The following CDH4 variants were observed in gnomAD, a reference collection of about 807,000 sequenced individuals.
The protein encoded by CDH4 is cadherin 4.
Under a neutral mutation model 86.0 loss-of-function variants are expected in CDH4, and 33 were observed. The observed-to-expected ratio is 0.38, with a 90% CI of 0.29 to 0.51. The LOEUF (loss-of-function observed/expected upper bound fraction) is 0.51. Among genes scored for constraint, CDH4 ranks in the 20% least tolerant of loss-of-function variants. The pLI is 0.86. For missense variants in CDH4, 1,114 were observed against 1,307.4 expected (o/e 0.85, Z 2.28); for synonymous variants, 555 against 549.4 (o/e 1.01, Z -0.14).
intron 2 of CDH4, among the ~76,000 whole-genome samples, chr20:61,354,811 G>A (rs770195178): frequency 1.3e-5 from 2 of 152,332 alleles, no homozygotes; most frequent in African/African-American, 2.4e-5. Context: ...ACACTGTCAT[G>A]TTGCTGGAAC....
intron 4 of CDH4, among the ~76,000 whole-genome samples, chr20:61,786,279 C>T (rs1978876848): frequency 6.6e-6 from 1 of 152,128 alleles, no homozygotes. Context: ...TACACATGTG[C>T]ACCACCCCCA....
At chr20:61,913,790 T>C (rs1042435814) in intron 9 of CDH4, among the ~76,000 whole-genome samples, 2 of 152,136 alleles carry the variant, frequency 1.3e-5, no homozygotes, top group African/African-American at 2.4e-5. Context: ...GGGTGGGGCA[T>C]GAATTTTGGA....
chr20:61,843,250 A>G (rs1489067189), intron 4 of CDH4, among the ~76,000 whole-genome samples: 2 of 151,434 alleles, frequency 1.3e-5, no homozygotes, highest in Non-Finnish European at 2.9e-5. Flanking sequence ...GGAGATCGAG[A>G]CCATCCTGGC....
chr20:61,422,845 C>G (rs1359147854), intron 2 of CDH4, among the ~76,000 whole-genome samples: 1 of 152,186 alleles, frequency 6.6e-6, no homozygotes, highest in African/African-American at 2.4e-5. Flanking sequence ...TTCCTGGGCT[C>G]AGCAGCCTCA....
At chr20:61,922,638 A>T (rs1202429965) in intron 9 of CDH4, among the ~76,000 whole-genome samples, 2 of 152,226 alleles carry the variant, frequency 1.3e-5, no homozygotes, top group Non-Finnish European at 2.9e-5. Flanking sequence ...GTTGTAGAGG[A>T]GAACCCACTG....
chr20:61,650,355 G>A (rs2087108452), intron 2 of CDH4, among the ~76,000 whole-genome samples: 3 of 152,196 alleles, frequency 2.0e-5, no homozygotes, highest in Non-Finnish European at 2.9e-5. Flanking sequence ...CTTGCACAGA[G>A]GCAGCAATCT....
At chr20:61,748,953 G>A (rs2088452998) in intron 3 of CDH4, among the ~76,000 whole-genome samples, 1 of 72,176 alleles carries the variant, frequency 1.4e-5, no homozygotes, top group Non-Finnish European at 2.7e-5. Flanking sequence ...AAAAATTGAT[G>A]GATAAAGATA....
At chr20:61,353,286 C>A (rs868811059) in intron 2 of CDH4, among the ~76,000 whole-genome samples, 589 of 9,326 alleles carry the variant, frequency 0.063, 1 homozygote, top group African/African-American at 0.22. Flanking sequence ...GTGCCAGGGT[C>A]TCTGGAACCA....
chr20:61,710,437 C>T (rs1361361601), intron 2 of CDH4, among the ~76,000 whole-genome samples: 1 of 152,248 alleles, frequency 6.6e-6, no homozygotes, highest in East Asian at 1.9e-4. Context: ...TGTGTGCAGG[C>T]CCTGAGTCCT....
chr20:61,519,936 C>A (rs940560436), intron 2 of CDH4, among the ~76,000 whole-genome samples: 3 of 152,214 alleles, frequency 2.0e-5, no homozygotes, highest in Non-Finnish European at 1.5e-5. Context: ...ACTCTGCCCA[C>A]CAACTGCTGG....
intron 8 of CDH4, among the ~76,000 whole-genome samples, chr20:61,901,497 G>A (rs1164821302): frequency 2.6e-4 from 39 of 152,086 alleles, no homozygotes; most frequent in Non-Finnish European, 1.8e-4. Flanking sequence ...CAGCCCCGTC[G>A]GGGGGCGCAG....
chr20:61,599,744 G>A (rs949941222), intron 2 of CDH4: 11 of 971,066 alleles, frequency 1.1e-5, no homozygotes, highest in Admixed American at 1.2e-4. Context: ...CTCCTGACGC[G>A]GCTCTGCCTC....
intron 2 of CDH4, among the ~76,000 whole-genome samples, chr20:61,566,626 C>T (rs2086300116): frequency 3.3e-5 from 5 of 152,116 alleles, no homozygotes; most frequent in Admixed American, 3.3e-4. Context: ...GCCCCGAGGA[C>T]CCGTCAGTGC....
intron 3 of CDH4, among the ~76,000 whole-genome samples, chr20:61,770,511 C>T (rs749834783): frequency 1.3e-5 from 2 of 152,364 alleles, no homozygotes; most frequent in Non-Finnish European, 2.9e-5. Flanking sequence ...ATGTGGCAGA[C>T]GCATGGACGC....
chr20:61,877,550 C>G (rs1984086728), intron 7 of CDH4, among the ~76,000 whole-genome samples: 1 of 152,154 alleles, frequency 6.6e-6, no homozygotes, highest in Admixed American at 6.5e-5. Context: ...GGGATGTGAA[C>G]AGCCCGGCTT....
In CDH4 at chr20:61,862,543, G is replaced by A. The variant is rs942071243; in HGVS notation, c.877+9645G>A. On this transcript the variant is annotated intron_variant, in intron 6 of 15. Transcript: ENST00000614565. ...GCGTCTCGTCCAGGGCAGGAGGGCA[G>A]TGGACAGCCAGCCTGCCATCCGTAC... Among the ~76,000 whole-genome samples the A allele has an allele frequency of 2.0e-5, 3 of 152,344 alleles. No homozygotes were observed. In the South Asian group the frequency reaches 6.2e-4, roughly 32 times the overall value.
chr20:61,288,969 G>GC (rs1287766316), intron 2 of CDH4, among the ~76,000 whole-genome samples: 1 of 64,392 alleles, frequency 1.6e-5, no homozygotes, highest in Non-Finnish European at 3.9e-5. Flanking sequence ...TCCTATTAGG[G>GC]AAGGAAAAAA....
At chr20:61,349,745 G>T (rs1342082331) in intron 2 of CDH4, among the ~76,000 whole-genome samples, 2 of 152,198 alleles carry the variant, frequency 1.3e-5, no homozygotes, top group African/African-American at 4.8e-5. Context: ...CTCAGGGGCA[G>T]TCTTGCTGAT....
chr20:61,377,934 A>G lies in CDH4; in HGVS notation c.169+122997A>G, dbSNP rs928666276. On this transcript the variant is annotated intron_variant, in intron 2 of 15. Transcript: ENST00000614565. The surrounding 1 kb of genome is among the most constrained non-coding windows in gnomAD (Gnocchi z 4.0). ...ATGTTGACTCACGTGATCTGGATAAATGACTTAGGAAAAATGGTTCTAAAG... is the reference window on the plus strand; with the variant it reads ...ATGTTGACTCACGTGATCTGGATAAGTGACTTAGGAAAAATGGTTCTAAAG... Among the ~76,000 whole-genome samples the G allele has an allele frequency of 6.6e-6, 1 of 152,222 alleles. No homozygotes were observed. The highest frequency in any genetic ancestry group is 2.4e-5 in the African/African-American group (1 of 41,458).
Sources: allele counts gnomAD v4.1 joint callset (sites outside exome capture counted in the v4.1 genomes callset), GRCh38; gene constraint gnomAD v4.1.1; non-coding constraint Gnocchi (gnomAD v3.1); transcripts MANE v1.5; gene names NCBI Gene and HGNC (gene_info 2026-07-23, HGNC 2026-07-21).